Variants in DDX11 observed in about 807,000 individuals in gnomAD.
The protein encoded by DDX11 is ATP-dependent DNA helicase DDX11.
In DDX11, 72 loss-of-function variants were observed where a neutral mutation model predicts 125.2. The ratio of observed to expected loss-of-function variants is 0.58; its 90% CI spans 0.48 to 0.70. The LOEUF (loss-of-function observed/expected upper bound fraction) is 0.70. Ranked by LOEUF, DDX11 falls within the 30% of genes least tolerant of loss-of-function variation. DDX11 has a pLI of 0.00. For synonymous variants in DDX11, 347 were observed against 452.6 expected (o/e 0.77, Z 2.96); for missense variants, 883 against 1,165.0 (o/e 0.76, Z 3.52).
chr12:31,082,944 T>C (rs1237234718), intron 2 of DDX11, among the ~76,000 whole-genome samples: 1 of 152,144 alleles, frequency 6.6e-6, no homozygotes, highest in Non-Finnish European at 1.5e-5. Flanking sequence ...CATCCACGTG[T>C]CCCCTTTCCA....
In DDX11 at chr12:31,102,265, C is replaced by T. The variant is rs772951240; in HGVS notation, c.2225C>T (p.Ala742Val). The T allele has an allele frequency of 1.3e-4, 214 of 1,613,936 alleles. No individual in the cohort carries two copies. Among genetic ancestry groups the T allele is most frequent in the Admixed American group, 1.0e-3 (60 of 59,994 alleles). ...RKKIFQEPKS[A>V]HQVEQVLLAY... ...CAGATATTCCAGGAACCTAAGAGCGCACACCAGGTGGAGCAGGTGCTGCTG... is the reference window on the plus strand; with the variant it reads ...CAGATATTCCAGGAACCTAAGAGCGTACACCAGGTGGAGCAGGTGCTGCTG... Residue 742 changes from alanine to valine, a missense_variant, in exon 22 of 27, where the codon GCA becomes GTA. By Grantham distance (64) the Ala-to-Val change is moderately conservative. This residue lies in a region of DDX11 where 285 missense variants were observed against 346.0 expected (regional missense o/e 0.82). Coordinates refer to ENST00000542838, the MANE Select transcript of DDX11 (RefSeq NM_030653.4).
chr12:31,089,175 C>G (rs1347390338), intron 7 of DDX11, 24 bp downstream of exon 7: 1 of 1,589,918 alleles, frequency 6.3e-7, no homozygotes, highest in Non-Finnish European at 8.6e-7. Context: ...AGTATTTCCA[C>G]CAGGGGCCAT....
chr12:31,089,212 C>A, intron 7 of DDX11, 61 bp downstream of exon 7: 2 of 1,513,700 alleles, frequency 1.3e-6, no homozygotes, highest in South Asian at 1.1e-5. Context: ...CAACTTTGTC[C>A]TGCTCGTCCA....
intron 1 of DDX11, among the ~76,000 whole-genome samples, chr12:31,076,440 G>A (rs540018394): frequency 2.7e-5 from 4 of 149,978 alleles, no homozygotes; most frequent in East Asian, 2.0e-4. Flanking sequence ...CTCTCAGTTT[G>A]TGAACCTCCC....
chr12:31,089,609 C>G, intron 8 of DDX11, 119 bp downstream of exon 8: 1 of 1,131,390 alleles, frequency 8.8e-7, no homozygotes, highest in Non-Finnish European at 1.3e-6. Flanking sequence ...GACCCCAGTT[C>G]CTTCCTGAGT....
intron 1 of DDX11, among the ~76,000 whole-genome samples, chr12:31,075,010 A>G (rs1253907000): frequency 5.9e-5 from 9 of 152,224 alleles, no homozygotes; most frequent in African/African-American, 1.9e-4. Context: ...TGGGGACTGA[A>G]GAAAATGAAC....
intron 12 of DDX11, chr12:31,094,388 G>A (rs1450940377): frequency 2.3e-5 from 18 of 782,586 alleles, no homozygotes; most frequent in East Asian, 1.1e-4. Context: ...GTGCAAGCAC[G>A]TGAGTCAGAC....
In DDX11 at chr12:31,084,617, G is replaced by A. The variant is rs756991541; in HGVS notation, c.428G>A (p.Arg143His). Residue 143 changes from arginine (R) to histidine (H), a missense_variant, in exon 4 of 27, where the codon CGC (arginine) becomes CAC (histidine). Arg to His is a conservative substitution (Grantham distance 29). Transcript: ENST00000542838. ...EQARRKQREERLQQLQHRVQL... is the reference protein window; with the variant it reads ...EQARRKQREEHLQQLQHRVQL... ...GCCAGGAGGAAGCAGCGAGAAGAAC[G>A]CCTGCAGCAGCTGCAGCACAGGGTG... 6 of 1,596,956 alleles carry A rather than the reference G, an allele frequency of 3.8e-6. No homozygotes were observed. The highest frequency in any genetic ancestry group is 1.1e-5 in the South Asian group (1 of 88,680).
At chr12:31,094,926 A>C in intron 14 of DDX11, 104 bp downstream of exon 14, 1 of 1,279,178 alleles carries the variant, frequency 7.8e-7, no homozygotes, top group Non-Finnish European at 1.1e-6. Flanking sequence ...AAAGCAAAAC[A>C]GATGTGTAAT....
In DDX11 at chr12:31,092,900, G is replaced by A. The variant is rs1944485033; in HGVS notation, c.1289+8G>A. ...GTACGTGGAGCGATACGGGTGAGAT[G>A]TGACCCTCTGAGGTAGTGGGACAGT... On this transcript the variant is annotated splice_region_variant and intron_variant, in intron 11 of 26. Coordinates refer to ENST00000542838, the MANE Select transcript of DDX11 (RefSeq NM_030653.4). 6.2e-7 allele frequency: 1 copy of A among 1,613,902 alleles called. No homozygotes were observed. The highest frequency in any genetic ancestry group is 1.1e-5 in the South Asian group (1 of 91,084).
At chr12:31,080,793 C>T (rs1027259456) in intron 2 of DDX11, among the ~76,000 whole-genome samples, 4 of 152,116 alleles carry the variant, frequency 2.6e-5, no homozygotes, top group South Asian at 2.1e-4. Context: ...TGCCCAGGGC[C>T]GAGTGCAGTG....
At chr12:31,088,073 T>C (rs1417698270) in intron 6 of DDX11, 90 bp downstream of exon 6, 10 of 1,557,424 alleles carry the variant, frequency 6.4e-6, no homozygotes, top group Non-Finnish European at 8.7e-6. Flanking sequence ...CTTGGCTACT[T>C]CTCACCCTCC....
At chr12:31,084,712 G>T (rs1245302745) in intron 4 of DDX11, 43 bp downstream of exon 4, 1 of 1,556,728 alleles carries the variant, frequency 6.4e-7, no homozygotes, top group African/African-American at 1.4e-5. Flanking sequence ...TCCAGGCAGG[G>T]TTGCTCTGCT....
chr12:31,101,381 C>G, intron 20 of DDX11: 1 of 577,322 alleles, frequency 1.7e-6, no homozygotes, highest in Non-Finnish European at 3.1e-6. Flanking sequence ...CCTCTGAGGA[C>G]GCCTCACACA....
At position 31,100,643 on chromosome 12, in the gene DDX11, C is replaced by A. The variant is rs1258120732; in HGVS notation, c.1884C>A (p.Asp628Glu). 1 of 1,552,606 alleles carries A rather than the reference C, an allele frequency of 6.4e-7. No homozygotes were observed. The highest frequency in any genetic ancestry group is 2.4e-5 in the East Asian group (1 of 41,052). Residue 628 changes from aspartate to glutamate, a missense_variant, in exon 19 of 27, where the codon GAC becomes GAA. By Grantham distance (45) the Asp-to-Glu change is conservative. Transcript: ENST00000542838. ...IAGGTMQPVSDFRQQLLACAG... is the reference protein window; with the variant it reads ...IAGGTMQPVSEFRQQLLACAG... The stretch of plus-strand genomic sequence containing the variant: ...GTGGCCTTGGTCTACAGGTGTCTGA[C>A]TTCCGGCAGCAGCTGCTGGCCTGTG...
At position 31,073,967 on chromosome 12, in the gene DDX11, A is replaced by G. The variant is rs1157920454; in HGVS notation, c.-129A>G. ...CAGCGTAGCAATTCTGCCGGCGAAG[A>G]AGGTGAGCGCAGTGCTGTGTGGCAG... On this transcript the variant is annotated 5_prime_UTR_variant, in exon 1 of 27. Transcript: ENST00000542838. 6.6e-6 allele frequency: 1 copy of G among 152,236 alleles called. No individual in the cohort carries two copies. The highest frequency in any genetic ancestry group is 1.9e-4 in the East Asian group (1 of 5,186). 9.4% of individuals were successfully genotyped at this position (152,236 alleles called of 1,614,324 possible). A position where few individuals can be genotyped will look rare whatever the true frequency, so the allele number is the denominator to read the frequency against.
At chr12:31,093,570 T>A (rs1450863008) in intron 12 of DDX11, 4 of 510,618 alleles carry the variant, frequency 7.8e-6, no homozygotes, top group African/African-American at 3.9e-5. Flanking sequence ...ACAAAAAAAT[T>A]AGCTGGGAGT....
intron 2 of DDX11, among the ~76,000 whole-genome samples, chr12:31,080,382 C>T (rs184025336): frequency 6.6e-6 from 1 of 152,230 alleles, no homozygotes; most frequent in Non-Finnish European, 1.5e-5. Context: ...TGCCGGTTGC[C>T]TCCAGGGCTC....
intron 2 of DDX11, among the ~76,000 whole-genome samples, chr12:31,081,196 G>C (rs4031339): frequency 6.6e-6 from 1 of 152,230 alleles, no homozygotes; most frequent in Non-Finnish European, 1.5e-5. Flanking sequence ...CTTGTGTGCA[G>C]TCTCTGTGAA....
Sources: allele counts gnomAD v4.1 joint callset (sites outside exome capture counted in the v4.1 genomes callset), GRCh38; gene constraint gnomAD v4.1.1; regional missense constraint gnomAD v4.1.1; transcripts MANE v1.5; gene names NCBI Gene and HGNC (gene_info 2026-07-23, HGNC 2026-07-21).